TLK2: variants seen among roughly 807,000 people sequenced by gnomAD.
The protein encoded by TLK2 is serine/threonine-protein kinase tousled-like 2.
In TLK2, 6 loss-of-function variants were observed where a neutral mutation model predicts 117.3. The observed-to-expected ratio is 0.05, with a 90% CI of 0.03 to 0.10. The LOEUF (loss-of-function observed/expected upper bound fraction) is 0.10. Among genes scored for constraint, TLK2 ranks in the 10% least tolerant of loss-of-function variants. TLK2 has a pLI of 1.00. For missense variants in TLK2, 299 were observed against 901.2 expected (o/e 0.33, Z 8.56); for synonymous variants, 257 against 316.7 (o/e 0.81, Z 2.00).
At chr17:62,474,827 CTTT>C (rs748987436), upstream of TLK2, among the ~76,000 whole-genome samples, 6 of 140,398 alleles carry the variant, frequency 4.3e-5, no homozygotes, top group Non-Finnish European at 7.8e-5. Context: ...CACCTGGCCT[CTTT>C]TTTTTTTTTT....
intron 2 of TLK2, among the ~76,000 whole-genome samples, chr17:62,489,012 T>C: frequency 6.6e-6 from 1 of 151,872 alleles, no homozygotes; most frequent in East Asian, 1.9e-4. Context: ...TTTTTCTTTT[T>C]ATAAATTTAG....
intron 7 of TLK2, among the ~76,000 whole-genome samples, chr17:62,539,141 C>T (rs2077322428): frequency 6.6e-6 from 1 of 152,114 alleles, no homozygotes; most frequent in Non-Finnish European, 1.5e-5. Context: ...GGTAATGTAT[C>T]TCAATGTTAA....
chr17:62,590,730 C>T (rs1194006992), intron 16 of TLK2, among the ~76,000 whole-genome samples: 1 of 152,208 alleles, frequency 6.6e-6, no homozygotes, highest in Non-Finnish European at 1.5e-5. Context: ...CTTCCCACTT[C>T]AGCCCGCCAA....
upstream of TLK2, among the ~76,000 whole-genome samples, chr17:62,477,150 G>A (rs1386285105): frequency 2.0e-5 from 3 of 152,064 alleles, no homozygotes; most frequent in Non-Finnish European, 4.4e-5. Flanking sequence ...TTTCTTGATC[G>A]TTGGCTGCAA....
intron 16 of TLK2, among the ~76,000 whole-genome samples, chr17:62,592,673 C>T (rs1250463558): frequency 6.6e-6 from 1 of 152,214 alleles, no homozygotes; most frequent in Non-Finnish European, 1.5e-5. Flanking sequence ...ACAGTTTTTC[C>T]ATGGACCGGG....
chr17:62,579,217 A>G (rs1231843623), intron 14 of TLK2, among the ~76,000 whole-genome samples: 1 of 152,220 alleles, frequency 6.6e-6, no homozygotes, highest in Non-Finnish European at 1.5e-5. Flanking sequence ...GTGGCAGACA[A>G]CAGCAGGTAC....
intron 7 of TLK2, among the ~76,000 whole-genome samples, chr17:62,546,178 T>C (rs1479964916): frequency 6.6e-6 from 1 of 151,884 alleles, no homozygotes; most frequent in East Asian, 1.9e-4. Flanking sequence ...CACCACACCA[T>C]GTCCTAATTT....
intron 16 of TLK2, among the ~76,000 whole-genome samples, chr17:62,592,938 CAGT>C (rs2082186037): frequency 6.6e-6 from 1 of 152,166 alleles, no homozygotes; most frequent in Non-Finnish European, 1.5e-5. Context: ...GCACAGTTCA[CAGT>C]AGGGTTTGCA....
chr17:62,563,222 C>T (rs1021404989), intron 10 of TLK2, among the ~76,000 whole-genome samples: 1 of 152,100 alleles, frequency 6.6e-6, no homozygotes, highest in Non-Finnish European at 1.5e-5. Context: ...TGAGGGTGGG[C>T]GAATAAGACA....
chr17:62,496,350 A>G (rs1471177723), intron 2 of TLK2, among the ~76,000 whole-genome samples: 1 of 152,168 alleles, frequency 6.6e-6, no homozygotes, highest in East Asian at 1.9e-4. Flanking sequence ...TTTTGTTGAT[A>G]TAAATAGTGC....
chr17:62,609,190 C>T (rs1405474547), intron 21 of TLK2, among the ~76,000 whole-genome samples: 1 of 152,182 alleles, frequency 6.6e-6, no homozygotes, highest in Non-Finnish European at 1.5e-5. Context: ...TCAGGTGATC[C>T]TCCCACCTCT....
intron 21 of TLK2, 61 bp downstream of exon 21, chr17:62,608,209 T>C (rs2083456254): frequency 7.3e-7 from 1 of 1,365,716 alleles, no homozygotes; most frequent in African/African-American, 1.4e-5. Context: ...GTATTACTTT[T>C]TTGGGTAATA....
intron 15 of TLK2, among the ~76,000 whole-genome samples, chr17:62,584,097 T>G (rs1415606989): frequency 3.4e-5 from 5 of 148,314 alleles, no homozygotes; most frequent in Middle Eastern, 3.5e-3. Flanking sequence ...TAATGTTTTT[T>G]TCTTTTGTGG....
intron 19 of TLK2, among the ~76,000 whole-genome samples, chr17:62,604,258 C>T (rs1053617587): frequency 6.6e-6 from 1 of 152,066 alleles, no homozygotes; most frequent in Non-Finnish European, 1.5e-5. Flanking sequence ...CCACCCGCCT[C>T]GGCCTCCCAA....
chr17:62,568,304 C>T (rs1160113315), intron 11 of TLK2, among the ~76,000 whole-genome samples: 4 of 151,666 alleles, frequency 2.6e-5, no homozygotes, highest in African/African-American at 9.7e-5. Context: ...TGGTGACACA[C>T]GCCTGTAATC....
chr17:62,517,803 C>T (rs1262101756), intron 2 of TLK2, among the ~76,000 whole-genome samples: 1 of 152,176 alleles, frequency 6.6e-6, no homozygotes, highest in Non-Finnish European at 1.5e-5. Flanking sequence ...GTTCAAGCGA[C>T]TGTCCTGCCT....
intron 2 of TLK2, among the ~76,000 whole-genome samples, chr17:62,514,225 C>A (rs543575020): frequency 3.0e-3 from 458 of 151,412 alleles, no homozygotes; most frequent in Non-Finnish European, 4.9e-3. Context: ...CTTATTGCAA[C>A]CTCCACCTCC....
chr17:62,581,102 T>A (rs961210755), intron 15 of TLK2, among the ~76,000 whole-genome samples: 6 of 152,134 alleles, frequency 3.9e-5, no homozygotes, highest in African/African-American at 1.4e-4. Flanking sequence ...AGCCTCAAAC[T>A]GCTGGGCACA....
intron 18 of TLK2, among the ~76,000 whole-genome samples, chr17:62,601,504 C>G (rs182421283): frequency 1.7e-4 from 26 of 152,314 alleles, no homozygotes; most frequent in African/African-American, 5.5e-4. Context: ...TGTTCTAATA[C>G]AATTCAGATG....
Sources: gnomAD v4.1 joint callset for allele counts (sites outside exome capture counted in the v4.1 genomes callset) on GRCh38, gnomAD v4.1.1 for gene constraint, MANE v1.5 for transcripts, NCBI Gene and HGNC (gene_info 2026-07-23, HGNC 2026-07-21) for gene names.